Variants in STXBP6 observed in about 807,000 individuals in gnomAD.
The protein encoded by STXBP6 is syntaxin binding protein 6, also known as syntaxin-binding protein 6.
In STXBP6, 21 loss-of-function variants were observed where a neutral mutation model predicts 26.9. The observed-to-expected ratio is 0.78, with a 90% confidence interval of 0.55 to 1.12. The LOEUF (loss-of-function observed/expected upper bound fraction) is 1.12. Among genes scored for constraint, STXBP6 ranks in the 50% most tolerant of loss-of-function variants. The pLI, the probability that STXBP6 is intolerant of heterozygous loss-of-function variation, is 0.00. For synonymous variants in STXBP6, 97 were observed against 92.6 expected (o/e 1.05, Z -0.27); for missense variants, 232 against 257.9 (o/e 0.90, Z 0.69).
intron 2 of STXBP6, among the ~76,000 whole-genome samples, chr14:24,945,166 T>TA (rs1555331038): frequency 1.4e-5 from 2 of 143,782 alleles, no homozygotes; most frequent in Admixed American, 1.4e-4. Context: ...TTTTTTTTTT[T>TA]AGCAGATTCC....
At chr14:25,042,607 CTA>C (rs373772428) in intron 1 of STXBP6, among the ~76,000 whole-genome samples, 61 of 152,312 alleles carry the variant, frequency 4.0e-4, no homozygotes, top group African/African-American at 1.4e-3. Flanking sequence ...AATGGTAGAG[CTA>C]TGTTTCACAC....
chr14:24,839,480 T>C (rs534195362), intron 4 of STXBP6, among the ~76,000 whole-genome samples: 2 of 151,894 alleles, frequency 1.3e-5, no homozygotes, highest in Non-Finnish European at 2.9e-5. Flanking sequence ...GAATATACAA[T>C]TGAGCAACAG....
At chr14:24,839,592 T>C (rs766668) in intron 4 of STXBP6, among the ~76,000 whole-genome samples, 29,985 of 152,052 alleles carry the variant, frequency 0.2, 4,442 homozygotes, top group African/African-American at 0.42. Flanking sequence ...CCAAAAAGTA[T>C]GGTAATCTTG....
At chr14:24,839,818 G>T (rs1363925738) in intron 4 of STXBP6, among the ~76,000 whole-genome samples, 1 of 152,080 alleles carries the variant, frequency 6.6e-6, no homozygotes, top group East Asian at 1.9e-4. Context: ...AATCATAATG[G>T]TAGGCAATAA....
intron 2 of STXBP6, among the ~76,000 whole-genome samples, chr14:24,936,005 T>A (rs1458230967): frequency 3.3e-5 from 5 of 152,204 alleles, no homozygotes. Flanking sequence ...ACAAAGCACA[T>A]GTGACTCTTC....
At chr14:24,875,435 G>T (rs940708206) in intron 2 of STXBP6, among the ~76,000 whole-genome samples, 1 of 152,150 alleles carries the variant, frequency 6.6e-6, no homozygotes, top group African/African-American at 2.4e-5. Context: ...AACACACAAA[G>T]AATCTTCAAC....
At chr14:24,884,455 T>C (rs1191212211) in intron 2 of STXBP6, among the ~76,000 whole-genome samples, 1 of 152,212 alleles carries the variant, frequency 6.6e-6, no homozygotes, top group East Asian at 1.9e-4. Context: ...GAATCCTATT[T>C]TGACTCATTT....
intron 2 of STXBP6, among the ~76,000 whole-genome samples, chr14:24,969,190 T>A (rs896789821): frequency 5.3e-5 from 8 of 152,170 alleles, no homozygotes; most frequent in Non-Finnish European, 1.0e-4. Context: ...CTAAAACCAT[T>A]TTGAAAAGAT....
At chr14:24,899,147 G>C (rs1297868140) in intron 2 of STXBP6, among the ~76,000 whole-genome samples, 3 of 152,184 alleles carry the variant, frequency 2.0e-5, no homozygotes, top group Non-Finnish European at 4.4e-5. Context: ...TTATGAGCTA[G>C]GAATGGTGGA....
At chr14:24,884,357 C>T (rs1265868264) in intron 2 of STXBP6, among the ~76,000 whole-genome samples, 1 of 152,150 alleles carries the variant, frequency 6.6e-6, no homozygotes, top group East Asian at 1.9e-4. Context: ...ATCTTCCATT[C>T]CTAATGGAAA....
At chr14:24,958,043 A>C (rs2073399558) in intron 2 of STXBP6, among the ~76,000 whole-genome samples, 1 of 152,236 alleles carries the variant, frequency 6.6e-6, no homozygotes, top group Non-Finnish European at 1.5e-5. Flanking sequence ...AGCATACACA[A>C]AGAACTCTAT....
intron 2 of STXBP6, among the ~76,000 whole-genome samples, chr14:24,918,131 T>G (rs1179885763): frequency 6.6e-6 from 1 of 151,918 alleles, no homozygotes; most frequent in East Asian, 1.9e-4. Context: ...TAATAATAGG[T>G]ATGGATTTTT....
intron 1 of STXBP6, among the ~76,000 whole-genome samples, chr14:25,016,949 G>A (rs1469984995): frequency 1.3e-5 from 2 of 152,112 alleles, no homozygotes; most frequent in East Asian, 3.9e-4. Context: ...AGAAATTGGA[G>A]GTAAGTGCCG....
intron 1 of STXBP6, among the ~76,000 whole-genome samples, chr14:25,031,608 C>T (rs1227125461): frequency 2.6e-5 from 4 of 152,056 alleles, no homozygotes; most frequent in South Asian, 2.1e-4. Flanking sequence ...TGGCTTTAAT[C>T]GTCTTAGCAT....
At chr14:25,027,907 C>T (rs2075377342) in intron 1 of STXBP6, among the ~76,000 whole-genome samples, 1 of 152,216 alleles carries the variant, frequency 6.6e-6, no homozygotes, top group Non-Finnish European at 1.5e-5. Context: ...CAACCAGCTA[C>T]AGCATTCCCT....
chr14:24,915,589 T>C (rs898942853), intron 2 of STXBP6, among the ~76,000 whole-genome samples: 3 of 152,148 alleles, frequency 2.0e-5, no homozygotes, highest in Admixed American at 1.3e-4. Context: ...TTTAAAGTCA[T>C]AGAAATTAGC....
At chr14:24,871,621 T>C (rs1595008872) in intron 2 of STXBP6, among the ~76,000 whole-genome samples, 1 of 152,170 alleles carries the variant, frequency 6.6e-6, no homozygotes, top group East Asian at 1.9e-4. Flanking sequence ...CAGAAGCAAA[T>C]GATAAAATAT....
chr14:24,962,727 C>T (rs994258589), intron 2 of STXBP6, among the ~76,000 whole-genome samples: 4 of 152,124 alleles, frequency 2.6e-5, no homozygotes, highest in African/African-American at 9.7e-5. Context: ...GAGCACTAAG[C>T]AGGGCACAGA....
intron 1 of STXBP6, among the ~76,000 whole-genome samples, chr14:25,034,612 T>C (rs1219538778): frequency 6.6e-6 from 1 of 152,138 alleles, no homozygotes; most frequent in Admixed American, 6.5e-5. Context: ...ATGGATGGGA[T>C]GTGTGACCCT....
Sources: gnomAD v4.1 joint callset for allele counts (sites outside exome capture counted in the v4.1 genomes callset) on GRCh38, gnomAD v4.1.1 for gene constraint, MANE v1.5 for transcripts, NCBI Gene and HGNC (gene_info 2026-07-23, HGNC 2026-07-21) for gene names.